GPC6: variants seen among roughly 807,000 people sequenced by gnomAD.
The protein encoded by GPC6 is glypican 6, also known as glypican-6.
In GPC6, 14 loss-of-function variants were observed where a neutral mutation model predicts 55.2. The ratio of observed to expected loss-of-function variants is 0.25; its 90% CI spans 0.17 to 0.40. The LOEUF (loss-of-function observed/expected upper bound fraction) is 0.40, where lower values mean the gene tolerates loss of function less well. Ranked by LOEUF, GPC6 falls within the 10% of genes least tolerant of loss-of-function variation. GPC6 has a pLI of 1.00. For missense variants in GPC6, 641 were observed against 708.5 expected (o/e 0.90, Z 1.08); for synonymous variants, 278 against 259.6 (o/e 1.07, Z -0.68).
chr13:94,351,676 T>C (rs1878548940), intron 6 of GPC6, among the ~76,000 whole-genome samples: 1 of 152,084 alleles, frequency 6.6e-6, no homozygotes, highest in African/African-American at 2.4e-5. Flanking sequence ...GGCTATGTCA[T>C]GGATCTGATC....
intron 4 of GPC6, among the ~76,000 whole-genome samples, chr13:94,130,347 T>C (rs1253456901): frequency 2.0e-5 from 3 of 152,148 alleles, no homozygotes; most frequent in East Asian, 3.9e-4. Flanking sequence ...ACAGTTGTTA[T>C]ATTTTATACT....
intron 2 of GPC6, among the ~76,000 whole-genome samples, chr13:93,657,770 C>A (rs1372593624): frequency 6.6e-6 from 1 of 151,690 alleles, no homozygotes; most frequent in Non-Finnish European, 1.5e-5. Context: ...AACCAAACAA[C>A]CCCATTAAAA....
chr13:93,825,613 A>G (rs1359147671), intron 2 of GPC6, among the ~76,000 whole-genome samples: 1 of 152,158 alleles, frequency 6.6e-6, no homozygotes, highest in Non-Finnish European at 1.5e-5. Context: ...AACGCTCCTC[A>G]TTAACTCAGC....
intron 4 of GPC6, among the ~76,000 whole-genome samples, chr13:94,243,367 G>T (rs1320839788): frequency 6.6e-6 from 1 of 151,998 alleles, no homozygotes; most frequent in African/African-American, 2.4e-5. Flanking sequence ...GATGTCTTTT[G>T]TGTACTGTAA....
At chr13:94,133,817 G>A (rs1310229539) in intron 4 of GPC6, among the ~76,000 whole-genome samples, 1 of 151,992 alleles carries the variant, frequency 6.6e-6, no homozygotes, top group African/African-American at 2.4e-5. Context: ...CAGGAGGCCA[G>A]ATTTGAGCCA....
chr13:93,926,632 T>C (rs1877871811), intron 3 of GPC6, among the ~76,000 whole-genome samples: 1 of 152,214 alleles, frequency 6.6e-6, no homozygotes, highest in Non-Finnish European at 1.5e-5. Flanking sequence ...AGTCTGGGTT[T>C]AATTCTATTG....
chr13:94,049,258 A>G (rs1333146544), intron 4 of GPC6, among the ~76,000 whole-genome samples: 1 of 151,208 alleles, frequency 6.6e-6, no homozygotes, highest in Non-Finnish European at 1.5e-5. Context: ...CAAAAAAAAA[A>G]AAAAAGAGGC....
At chr13:93,956,648 T>C (rs920511247) in intron 3 of GPC6, among the ~76,000 whole-genome samples, 2 of 152,196 alleles carry the variant, frequency 1.3e-5, no homozygotes, top group African/African-American at 4.8e-5. Context: ...ATTCAGCACA[T>C]ACCCTGCACT....
At chr13:94,303,854 C>T (rs1875799780) in intron 5 of GPC6, among the ~76,000 whole-genome samples, 3 of 151,694 alleles carry the variant, frequency 2.0e-5, no homozygotes, top group Non-Finnish European at 2.9e-5. Context: ...TCTTTCAGGG[C>T]ATTCGTGTTT....
chr13:93,901,582 C>A (rs1876354316), intron 3 of GPC6, among the ~76,000 whole-genome samples: 1 of 151,964 alleles, frequency 6.6e-6, no homozygotes, highest in Non-Finnish European at 1.5e-5. Context: ...ATCCCTTTAA[C>A]AGATCAAACA....
intron 1 of GPC6, among the ~76,000 whole-genome samples, chr13:93,244,160 A>C (rs922483533): frequency 1.3e-5 from 2 of 152,150 alleles, no homozygotes; most frequent in African/African-American, 4.8e-5. Flanking sequence ...CTTTCGCTGC[A>C]TAAAAGAGTC....
intron 3 of GPC6, among the ~76,000 whole-genome samples, chr13:93,834,790 T>C (rs752644241): frequency 1.3e-5 from 2 of 152,208 alleles, no homozygotes; most frequent in Non-Finnish European, 2.9e-5. Flanking sequence ...TCAGTTTCCA[T>C]GTTCCATATT....
At chr13:93,960,229 A>G (rs1879704903) in intron 3 of GPC6, among the ~76,000 whole-genome samples, 1 of 152,212 alleles carries the variant, frequency 6.6e-6, no homozygotes, top group African/African-American at 2.4e-5. Context: ...GTAGATGGTC[A>G]TGGATGAAAT....
At chr13:93,442,125 A>T (rs1877827914) in intron 1 of GPC6, among the ~76,000 whole-genome samples, 1 of 152,170 alleles carries the variant, frequency 6.6e-6, no homozygotes, top group African/African-American at 2.4e-5. Context: ...GAGCAAAGGG[A>T]AAGGTTAATG....
At chr13:94,009,439 C>G (rs891608853) in intron 3 of GPC6, among the ~76,000 whole-genome samples, 2 of 152,150 alleles carry the variant, frequency 1.3e-5, no homozygotes, top group African/African-American at 2.4e-5. Context: ...CATCCCACCC[C>G]AATTTCTGGT....
In GPC6 at chr13:93,720,532, G is replaced by A. The variant is rs776946989; in HGVS notation, c.320-109622G>A. On this transcript the variant is annotated intron_variant, in intron 2 of 8. Transcript: ENST00000377047. The stretch of plus-strand genomic sequence containing the variant: ...TCAAGAAACAGCTCCTGGATTCATT[G>A]ATTTTTGAAGGGTTTTTCCTGTCTC... 4.0e-5 allele frequency among the ~76,000 whole-genome samples: 6 copies of A among 151,744 alleles called. No individual in the cohort carries two copies. In the South Asian group the frequency reaches 6.2e-4, roughly 16 times the overall value.
intron 1 of GPC6, among the ~76,000 whole-genome samples, chr13:93,528,881 A>G (rs1881755868): frequency 6.6e-6 from 1 of 152,178 alleles, no homozygotes; most frequent in Admixed American, 6.5e-5. Context: ...ACATCTTGAT[A>G]TCATTGAAAA....
intron 1 of GPC6, among the ~76,000 whole-genome samples, chr13:93,499,229 G>A (rs1241898135): frequency 6.6e-6 from 1 of 152,026 alleles, no homozygotes; most frequent in Non-Finnish European, 1.5e-5. Context: ...GAATTATTAA[G>A]GATATGGATT....
intron 1 of GPC6, among the ~76,000 whole-genome samples, chr13:93,525,391 T>C (rs1278143798): frequency 6.6e-6 from 1 of 151,976 alleles, no homozygotes; most frequent in East Asian, 1.9e-4. Flanking sequence ...TCTAAGAGCA[T>C]GTGTTTGGAA....
Sources: gnomAD v4.1 joint callset for allele counts (sites outside exome capture counted in the v4.1 genomes callset) on GRCh38, gnomAD v4.1.1 for gene constraint, MANE v1.5 for transcripts, NCBI Gene and HGNC (gene_info 2026-07-23, HGNC 2026-07-21) for gene names.